The following CA1 variants were observed in gnomAD, a reference collection of about 807,000 sequenced individuals.
The protein encoded by CA1 is carbonate dehydratase I.
CA1 carries 27 observed loss-of-function variants against 28.8 expected under a neutral mutation model. The ratio of observed to expected loss-of-function variants is 0.94; its 90% confidence interval spans 0.69 to 1.29. The LOEUF is 1.29. CA1 is among the 50% of genes most tolerant of loss of function. CA1 has a pLI of 0.00. For missense variants in CA1, 335 were observed against 310.5 expected (o/e 1.08, Z -0.59); for synonymous variants, 121 against 108.8 (o/e 1.11, Z -0.70).
chr8:85,369,759 A>G (rs1564051034), intron 1 of CA1, among the ~76,000 whole-genome samples: 1 of 151,802 alleles, frequency 6.6e-6, no homozygotes, highest in East Asian at 1.9e-4. Context: ...CCCTGGCACT[A>G]TGGTGGGTTA....
intron 1 of CA1, among the ~76,000 whole-genome samples, chr8:85,351,394 A>G (rs1233054016): frequency 6.6e-6 from 1 of 152,256 alleles, no homozygotes; most frequent in Non-Finnish European, 1.5e-5. Flanking sequence ...AAAAGGAATC[A>G]TCTTTTAGCG....
At chr8:85,353,768 T>C (rs1182563423) in intron 1 of CA1, among the ~76,000 whole-genome samples, 1 of 152,210 alleles carries the variant, frequency 6.6e-6, no homozygotes, top group Admixed American at 6.5e-5. Flanking sequence ...TTATTTCTCA[T>C]TGTTATAAAC....
chr8:85,335,016 A>AAATT (rs79257898), intron 4 of CA1, among the ~76,000 whole-genome samples: 1 of 151,450 alleles, frequency 6.6e-6, no homozygotes, highest in African/African-American at 2.4e-5. Flanking sequence ...ATAACGACAA[A>AAATT]AAATAAAGAC....
intron 1 of CA1, among the ~76,000 whole-genome samples, chr8:85,356,540 A>G (rs1270799287): frequency 6.6e-6 from 1 of 152,194 alleles, no homozygotes; most frequent in Non-Finnish European, 1.5e-5. Flanking sequence ...ATACGTTTTA[A>G]TGGTTGGATC....
At chr8:85,362,047 G>A (rs951205005) in intron 1 of CA1, among the ~76,000 whole-genome samples, 3 of 152,074 alleles carry the variant, frequency 2.0e-5, no homozygotes, top group Admixed American at 6.6e-5. Flanking sequence ...TCCAAAATAC[G>A]TTTTTGGGGC....
chr8:85,352,872 G>T (rs931489518), intron 1 of CA1, among the ~76,000 whole-genome samples: 3 of 152,072 alleles, frequency 2.0e-5, no homozygotes, highest in African/African-American at 7.2e-5. Flanking sequence ...TGCCAAGTTG[G>T]ACAGACTGGT....
In CA1 at chr8:85,329,716, C is replaced by T. The variant is rs754747894; in HGVS notation, c.642G>A (p.Lys214=). 6.2e-7 allele frequency: 1 copy of T among 1,610,910 alleles called. No homozygotes were observed. Among genetic ancestry groups the T allele is most frequent in the Non-Finnish European group, 8.5e-7 (1 of 1,178,374 alleles). ...LYESVTWIIC[K]ESISVSSEQL... is the part of the protein sequence containing the mutation. ...GCTCTGAGCTGACACTGATGCTCTC[C>T]TTACAGATGATCCAAGTTACACTCT... is the stretch of plus-strand genomic sequence containing the variant. Residue 214 remains lysine (K), a synonymous_variant, in exon 7 of 8, where the codon AAG becomes AAA. Coordinates refer to ENST00000523022, the MANE Select transcript of CA1 (RefSeq NM_001128831.4).
chr8:85,358,241 C>T (rs1408787351), intron 1 of CA1, among the ~76,000 whole-genome samples: 3 of 152,148 alleles, frequency 2.0e-5, no homozygotes, highest in African/African-American at 7.2e-5. Flanking sequence ...TCTGTGACAC[C>T]TCGCTGCTGT....
intron 1 of CA1, among the ~76,000 whole-genome samples, chr8:85,360,077 G>A (rs1322284610): frequency 1.3e-5 from 2 of 152,186 alleles, no homozygotes; most frequent in Non-Finnish European, 2.9e-5. Flanking sequence ...AAGTCCCATT[G>A]AATCTTTGTT....
At chr8:85,355,868 A>C (rs1449665586) in intron 1 of CA1, among the ~76,000 whole-genome samples, 3 of 149,722 alleles carry the variant, frequency 2.0e-5, no homozygotes, top group Non-Finnish European at 4.4e-5. Context: ...TCTTCTTCTT[A>C]TTGAAAGATC....
intron 1 of CA1, among the ~76,000 whole-genome samples, chr8:85,359,181 A>C (rs1809705596): frequency 6.6e-6 from 1 of 152,210 alleles, no homozygotes; most frequent in Non-Finnish European, 1.5e-5. Context: ...TACTCACTGT[A>C]CCCTACTCAG....
chr8:85,337,619 A>T (rs1263976656), intron 3 of CA1, among the ~76,000 whole-genome samples: 1 of 152,146 alleles, frequency 6.6e-6, no homozygotes, highest in Non-Finnish European at 1.5e-5. Context: ...ATCCAATGAT[A>T]ATATTAGTTA....
At chr8:85,355,826 AT>A (rs1809585637) in intron 1 of CA1, among the ~76,000 whole-genome samples, 1 of 149,042 alleles carries the variant, frequency 6.7e-6, no homozygotes, top group Admixed American at 6.7e-5. Flanking sequence ...AGCCATTTTG[AT>A]CAGTGATAAA....
chr8:85,347,787 C>A (rs1199028458), intron 1 of CA1, among the ~76,000 whole-genome samples: 1 of 152,116 alleles, frequency 6.6e-6, no homozygotes, highest in Non-Finnish European at 1.5e-5. Context: ...GTACAAAATT[C>A]TTTCTGACAT....
At chr8:85,335,243 A>G (rs545094454) in intron 4 of CA1, among the ~76,000 whole-genome samples, 2 of 152,190 alleles carry the variant, frequency 1.3e-5, no homozygotes, top group South Asian at 2.1e-4. Flanking sequence ...TTTAATCACA[A>G]TAATTTATGC....
At chr8:85,334,159 A>G (rs939407844) in intron 4 of CA1, among the ~76,000 whole-genome samples, 18 of 152,198 alleles carry the variant, frequency 1.2e-4, no homozygotes, top group African/African-American at 4.3e-4. Context: ...TATATTCTTG[A>G]TATCTCTACA....
At chr8:85,374,506 CA>C (rs1475032568) in intron 1 of CA1, among the ~76,000 whole-genome samples, 4 of 152,104 alleles carry the variant, frequency 2.6e-5, no homozygotes, top group South Asian at 2.1e-4. Context: ...CTATTTTCAT[CA>C]AAAAAATTTT....
intron 1 of CA1, among the ~76,000 whole-genome samples, chr8:85,357,424 TG>T (rs1809643752): frequency 6.6e-6 from 1 of 151,968 alleles, no homozygotes; most frequent in African/African-American, 2.4e-5. Context: ...TATCTGAAAA[TG>T]GGGAAAAGAA....
intron 4 of CA1, among the ~76,000 whole-genome samples, chr8:85,334,523 A>T (rs542208110): frequency 6.6e-6 from 1 of 152,228 alleles, no homozygotes; most frequent in Non-Finnish European, 1.5e-5. Flanking sequence ...AGTAACCACC[A>T]CAAATCAAAA....
Sources: gnomAD v4.1 joint callset for allele counts (sites outside exome capture counted in the v4.1 genomes callset) on GRCh38, gnomAD v4.1.1 for gene constraint, MANE v1.5 for transcripts, NCBI Gene and HGNC (gene_info 2026-07-23, HGNC 2026-07-21) for gene names.